The following SCN10A variants were observed in gnomAD, a reference collection of about 807,000 sequenced individuals.
The protein encoded by SCN10A is sodium voltage-gated channel alpha subunit 10.
In SCN10A, 162 loss-of-function variants were observed where a neutral mutation model predicts 170.7. That is an observed-to-expected ratio of 0.95 (90% CI 0.84 to 1.08). The LOEUF (loss-of-function observed/expected upper bound fraction) is 1.08, where lower values mean the gene tolerates loss of function less well. Ranked by LOEUF, SCN10A falls within the 50% of genes least tolerant of loss-of-function variation. The pLI is 0.00. For missense variants in SCN10A, 2,527 were observed against 2,436.9 expected (o/e 1.04, Z -0.78); for synonymous variants, 985 against 904.6 (o/e 1.09, Z -1.59).
At chr3:38,721,404 A>G (rs1166906315) in intron 20 of SCN10A, among the ~76,000 whole-genome samples, 1 of 152,184 alleles carries the variant, frequency 6.6e-6, no homozygotes, top group African/African-American at 2.4e-5. Context: ...TGACTTCCTC[A>G]TTTAGAAAAT....
intron 1 of SCN10A, among the ~76,000 whole-genome samples, chr3:38,794,385 T>C (rs942990086): frequency 6.6e-6 from 1 of 152,186 alleles, no homozygotes; most frequent in African/African-American, 2.4e-5. Flanking sequence ...TTCCAGGCAC[T>C]CTCCCATATT....
intron 14 of SCN10A, 93 bp from the exon 15 acceptor site, chr3:38,739,781 T>C (rs1056330059): frequency 5.7e-6 from 6 of 1,050,480 alleles, no homozygotes; most frequent in East Asian, 5.0e-5. Flanking sequence ...ATTTACAAAA[T>C]AGAAAATCCT....
chr3:38,733,418 CATTG>C (rs952412114), intron 15 of SCN10A, among the ~76,000 whole-genome samples: 19 of 152,096 alleles, frequency 1.2e-4, no homozygotes, highest in Admixed American at 9.8e-4. Flanking sequence ...CTTTATTTTT[CATTG>C]ATTAATAAAA....
intron 21 of SCN10A, among the ~76,000 whole-genome samples, chr3:38,715,086 G>A (rs188358961): frequency 1.8e-4 from 28 of 152,310 alleles, no homozygotes; most frequent in Non-Finnish European, 2.9e-4. Flanking sequence ...GGAATGGAAG[G>A]GACCCTCTTC....
chr3:38,713,152 T>C (rs2063294485), intron 22 of SCN10A, among the ~76,000 whole-genome samples: 1 of 152,158 alleles, frequency 6.6e-6, no homozygotes, highest in Non-Finnish European at 1.5e-5. Context: ...CATTCTGTCC[T>C]GACGGAGGCA....
chr3:38,750,407 T>G (rs1273227699), intron 12 of SCN10A, among the ~76,000 whole-genome samples: 1 of 152,266 alleles, frequency 6.6e-6, no homozygotes, highest in Non-Finnish European at 1.5e-5. Flanking sequence ...ACATCTAGGC[T>G]AAATAGTGTG....
chr3:38,697,725 G>A lies in SCN10A; in HGVS notation c.5495C>T (p.Thr1832Ile). ...TTCATAGGATGATTTTGAAAGATTA[G>A]TTGCCATAAACTTCTCCTCCATATT... ...KANMEEKFMATNLSKSSYEPI... is the reference protein window; with the variant it reads ...KANMEEKFMAINLSKSSYEPI... Residue 1832 changes from threonine (T) to isoleucine (I), a missense_variant, in exon 28 of 28, where the codon ACT becomes ATT. Thr to Ile is a moderately conservative substitution (Grantham distance 89). Coordinates refer to ENST00000449082, the MANE Select transcript of SCN10A (RefSeq NM_006514.4). The A allele has an allele frequency of 1.2e-6, 2 of 1,614,120 alleles. No individual in the cohort carries two copies. The highest frequency in any genetic ancestry group is 1.7e-6 in the Non-Finnish European group (2 of 1,180,016).
chr3:38,810,329 C>T (rs912200806), intron 1 of SCN10A, among the ~76,000 whole-genome samples: 4 of 152,148 alleles, frequency 2.6e-5, no homozygotes, highest in African/African-American at 9.7e-5. Flanking sequence ...TAACGCAGCC[C>T]TTCAGTTTAT....
At position 38,752,210 on chromosome 3, in the gene SCN10A, C is replaced by G; in HGVS notation, c.1755+9G>C. ...AGCCTGAGGGAGTCTGAAGCATTCA[C>G]AAACTCACCGAGACATCGACAGCTC... On this transcript the variant is annotated intron_variant, in intron 12 of 27. Transcript: ENST00000449082. The G allele has an allele frequency of 1.3e-6, 2 of 1,501,220 alleles. No individual in the cohort carries two copies. The highest frequency in any genetic ancestry group is 1.8e-6 in the Non-Finnish European group (2 of 1,124,112). The allele number at this position is 1,501,220 out of a possible 1,614,324, so 93.0% of individuals were successfully genotyped here. A position where few individuals can be genotyped will look rare whatever the true frequency, so the allele number is the denominator to read the frequency against.
At position 38,726,894 on chromosome 3, in the gene SCN10A, G is replaced by A. The variant is rs1170097659; in HGVS notation, c.2799C>T (p.Ser933=). The A allele has an allele frequency of 6.2e-7, 1 of 1,614,238 alleles. No individual in the cohort carries two copies. Among genetic ancestry groups the A allele is most frequent in the Non-Finnish European group, 8.5e-7 (1 of 1,180,044 alleles). The change falls in exon 17 of 28, where the codon AGC becomes AGT. Residue 933 remains serine (S), a synonymous_variant. Transcript: ENST00000449082. The part of the protein sequence containing the change: ...RTKQALCSFF[S]RSCPFPQPKA... ...TGGGCTGGGGGAATGGGCAGGACCT[G>A]CTGAAGAAGCTGCAAAGAGCCTGTT...
intron 4 of SCN10A, among the ~76,000 whole-genome samples, chr3:38,787,033 A>T (rs1279178492): frequency 6.6e-6 from 1 of 152,146 alleles, no homozygotes; most frequent in African/African-American, 2.4e-5. Context: ...TGAGGAAGAA[A>T]ATTTAAAGTT....
At chr3:38,761,475 A>C (rs1023452902) in intron 6 of SCN10A, 92 bp from the exon 7 acceptor site, 19 of 1,136,004 alleles carry the variant, frequency 1.7e-5, no homozygotes, top group Non-Finnish European at 2.4e-5. Context: ...TCATCTCTAC[A>C]TACAGGAGTG....
At chr3:38,718,362 G>A (rs972553722) in intron 21 of SCN10A, among the ~76,000 whole-genome samples, 1 of 152,208 alleles carries the variant, frequency 6.6e-6, no homozygotes, top group Non-Finnish European at 1.5e-5. Flanking sequence ...ACCTCTGAGA[G>A]CTGCATGTGT....
At chr3:38,807,693 C>T (rs1176209777) in intron 1 of SCN10A, among the ~76,000 whole-genome samples, 1 of 152,130 alleles carries the variant, frequency 6.6e-6, no homozygotes, top group Admixed American at 6.6e-5. Flanking sequence ...CCAGTCAAAC[C>T]TCTTTTCTGT....
rs59858965 is a variant in SCN10A at position 38,726,470 on chromosome 3, A to C, written c.3087+136T>G. 154,676 of 645,352 alleles carry C rather than the reference A, an allele frequency of 0.24. 20,621 individuals are homozygous for C. The highest frequency in any genetic ancestry group is 0.43 in the East Asian group (15,452 of 36,330). The allele number at this position is 645,352 out of a possible 1,614,324, so 40.0% of individuals were successfully genotyped here. A position where few individuals can be genotyped will look rare whatever the true frequency, so the allele number is the denominator to read the frequency against. On this transcript the variant is annotated intron_variant, in intron 17 of 27. Coordinates refer to ENST00000449082, the MANE Select transcript of SCN10A (RefSeq NM_006514.4). ...TCTTCCAGGCCCTGCTCAAACGCCA[A>C]CTCCTCTGGAAAGCTTGGCATGGTT... is the stretch of plus-strand genomic sequence containing the variant.
chr3:38,739,608 C>A lies in SCN10A; in HGVS notation c.2187G>T (p.Trp729Cys). 6.2e-7 allele frequency: 1 copy of A among 1,614,128 alleles called. No homozygotes were observed. Among genetic ancestry groups the A allele is most frequent in the East Asian group, 2.2e-5 (1 of 44,886 alleles). Residue 729 changes from tryptophan (W) to cysteine (C), a missense_variant, in exon 15 of 28, where the codon TGG (tryptophan) becomes TGT (cysteine). Physicochemically the swap from Trp to Cys is radical, Grantham distance 215. Transcript: ENST00000449082. ...TGACGATGATGCAGTCAAAGATATT[C>A]CACTTCTTCTGGAAATAATAGTATG... The part of the protein sequence containing the change: ...FDPYYYFQKK[W>C]NIFDCIIVTV...
At chr3:38,734,093 C>T (rs2063536862) in intron 15 of SCN10A, among the ~76,000 whole-genome samples, 1 of 152,238 alleles carries the variant, frequency 6.6e-6, no homozygotes, top group Admixed American at 6.5e-5. Context: ...ATGATCTCAG[C>T]TCACTGCAAC....
At position 38,728,906 on chromosome 3, in the gene SCN10A, A is replaced by G; in HGVS notation, c.2281-5T>C. ...GGCCAGCTTGAATACGCGCAGCTGC[A>G]GAGAAACAGAGACCGTCAGGTTTTG... On this transcript the variant is annotated splice_polypyrimidine_tract_variant and splice_region_variant and intron_variant, in intron 15 of 27. Transcript: ENST00000449082. 1 of 1,596,550 alleles carries G rather than the reference A, an allele frequency of 6.3e-7. No individual in the cohort carries two copies. Among genetic ancestry groups the G allele is most frequent in the Non-Finnish European group, 8.6e-7 (1 of 1,168,204 alleles).
In SCN10A at chr3:38,728,647, G is replaced by A. The variant is rs371174915; in HGVS notation, c.2535C>T (p.Ile845=). 1 of 1,614,222 alleles carries A rather than the reference G, an allele frequency of 6.2e-7. No individual in the cohort carries two copies. Among genetic ancestry groups the A allele is most frequent in the African/African-American group, 1.3e-5 (1 of 75,056 alleles). ...FFHSFLIVFR[I]LCGEWIENMW... is the part of the protein sequence containing the mutation. ...TGTTCTCAATCCACTCTCCACAGAG[G>A]ATACGGAAGACAATGAGGAAAGAGT... Residue 845 remains isoleucine (I), a synonymous_variant, in exon 16 of 28, where the codon ATC becomes ATT. Transcript: ENST00000449082.
Sources: gnomAD v4.1 joint callset for allele counts (sites outside exome capture counted in the v4.1 genomes callset) on GRCh38, gnomAD v4.1.1 for gene constraint, MANE v1.5 for transcripts, NCBI Gene and HGNC (gene_info 2026-07-23, HGNC 2026-07-21) for gene names.